B3GNT3: variants seen among roughly 807,000 people sequenced by gnomAD.
The protein encoded by B3GNT3 is N-acetyllactosaminide beta-1,3-N-acetylglucosaminyltransferase 3.
A neutral mutation model predicts 11.6 loss-of-function variants in B3GNT3; 7 were observed. That is an observed-to-expected ratio of 0.60 (90% CI 0.34 to 1.13). The LOEUF (loss-of-function observed/expected upper bound fraction) is 1.13, where lower values mean the gene tolerates loss of function less well. B3GNT3 is among the 50% of genes most tolerant of loss of function. The pLI is 0.03. For synonymous variants in B3GNT3, 201 were observed against 222.1 expected, an observed-to-expected ratio of 0.90 and a Z score of 0.85; for missense variants, 400 against 507.4, an observed-to-expected ratio of 0.79 and a Z score of 2.03.
intron 1 of B3GNT3, among the ~76,000 whole-genome samples, chr19:17,806,944 GAAA>G (rs374487355): frequency 1.1e-4 from 9 of 79,388 alleles, no homozygotes; most frequent in African/African-American, 3.3e-4. Context: ...TCCATCTCAA[GAAA>G]AAAAAAAAAA....
At position 17,811,173 on chromosome 19, in the gene B3GNT3, C is replaced by A. The variant is rs933293043; in HGVS notation, c.568-398C>A. On this transcript the variant is annotated intron_variant, in intron 2 of 2. Transcript: ENST00000318683. The surrounding 1 kb of genome is among the most constrained non-coding windows in gnomAD (Gnocchi z 4.1). ...AGGCTGCAATGAACTATGATCATAG[C>A]GCTACACTCTAGCCTGGGCAATAGA... Among the ~76,000 whole-genome samples the A allele has an allele frequency of 1.3e-5, 2 of 152,116 alleles. No individual in the cohort carries two copies. The highest frequency in any genetic ancestry group is 2.9e-5 in the Non-Finnish European group (2 of 68,038).
intron 2 of B3GNT3, among the ~76,000 whole-genome samples, chr19:17,810,476 C>G (rs2094179217): frequency 6.6e-6 from 1 of 152,086 alleles, no homozygotes; most frequent in Admixed American, 6.6e-5. Context: ...ATGAACCCAG[C>G]ACCCGTGAAG....
In B3GNT3 at chr19:17,808,006, A is replaced by G. The variant is rs1308150100; in HGVS notation, c.199A>G (p.Met67Val). 6.3e-6 allele frequency: 10 copies of G among 1,581,762 alleles called. No individual in the cohort carries two copies. The highest frequency in any genetic ancestry group is 1.6e-5 in the African/African-American group (1 of 64,474). The change falls in exon 2 of 3, where the codon ATG becomes GTG. Residue 67 changes from methionine (M) to valine (V), a missense_variant. By Grantham distance (21) the Met-to-Val change is conservative (BLOSUM62 1). Coordinates refer to ENST00000318683, the MANE Select transcript of B3GNT3 (RefSeq NM_014256.4). The part of the protein sequence containing the change: ...APAPCHANTS[M>V]VTHPDFATQP... ...GGCCCCGTGCCATGCCAACACCTCT[A>G]TGGTCACCCACCCGGACTTCGCCAC...
intron 1 of B3GNT3, among the ~76,000 whole-genome samples, chr19:17,801,482 G>A (rs1254979397): frequency 6.8e-6 from 1 of 146,912 alleles, no homozygotes; most frequent in African/African-American, 2.5e-5. Flanking sequence ...ATACCCAGCT[G>A]TTTTTTGTTT....
At chr19:17,800,086 G>C (rs2094164329) in intron 1 of B3GNT3, among the ~76,000 whole-genome samples, 1 of 152,082 alleles carries the variant, frequency 6.6e-6, no homozygotes, top group African/African-American at 2.4e-5. Context: ...GACAAGAACA[G>C]GGTTGAGACT....
At chr19:17,803,477 A>T (rs1377325350) in intron 1 of B3GNT3, among the ~76,000 whole-genome samples, 1 of 152,128 alleles carries the variant, frequency 6.6e-6, no homozygotes, top group African/African-American at 2.4e-5. Context: ...TGGGTTCTGG[A>T]GGATGGCAAA....
At chr19:17,810,894 T>A (rs118086818) in intron 2 of B3GNT3, among the ~76,000 whole-genome samples, 6,743 of 146,728 alleles carry the variant, frequency 0.046, 185 homozygotes, top group Non-Finnish European at 0.065. Flanking sequence ...AAAAAAATAA[T>A]AATAATAATA....
At position 17,807,930 on chromosome 19, in the gene B3GNT3, G is replaced by A. The variant is rs761629826; in HGVS notation, c.123G>A (p.Pro41=). The part of the protein sequence containing the change: ...PPTCKVQEQP[P]AIPEALAWPT... ...CCTGCAAGGTCCAGGAGCAGCCACC[G>A]GCGATCCCCGAGGCCCTGGCCTGGC... The change falls in exon 2 of 3, where the codon CCG becomes CCA. Residue 41 remains proline, a synonymous_variant. Transcript: ENST00000318683. 9.9e-6 allele frequency: 16 copies of A among 1,613,276 alleles called. No individual in the cohort carries two copies. Among genetic ancestry groups the A allele is most frequent in the Admixed American group, 1.7e-5 (1 of 59,988 alleles).
At chr19:17,796,755 G>T (rs1283751652) in intron 1 of B3GNT3, among the ~76,000 whole-genome samples, 2 of 152,192 alleles carry the variant, frequency 1.3e-5, no homozygotes, top group Non-Finnish European at 2.9e-5. Context: ...CCAAAAGGGG[G>T]CCTTGGTGCT....
Position 17,812,138 on chromosome 19 carries a change from C to T in B3GNT3, c.*16C>T, listed in dbSNP as rs1441172700. The T allele has an allele frequency of 6.4e-7, 1 of 1,568,734 alleles. No individual in the cohort carries two copies. Among genetic ancestry groups the T allele is most frequent in the Non-Finnish European group, 8.6e-7 (1 of 1,164,978 alleles). On this transcript the variant is annotated 3_prime_UTR_variant, in exon 3 of 3. Coordinates refer to ENST00000318683, the MANE Select transcript of B3GNT3 (RefSeq NM_014256.4). Reference sequence around the variant, plus strand: ...GATCTACTGAGTCAGCATCAGGGTCCCCAGCCTCTGGGCTCCTGTTTCCAT... The same window carrying T: ...GATCTACTGAGTCAGCATCAGGGTCTCCAGCCTCTGGGCTCCTGTTTCCAT...
At position 17,811,894 on chromosome 19, in the gene B3GNT3, T is replaced by C; in HGVS notation, c.891T>C (p.Asp297=). The C allele has an allele frequency of 6.2e-7, 1 of 1,614,054 alleles. No individual in the cohort carries two copies. The highest frequency in any genetic ancestry group is 1.1e-5 in the South Asian group (1 of 91,084). The stretch of plus-strand genomic sequence containing the variant: ...TCTTGGACATCTTCCCCATTGATGA[T>C]GTCTTCCTGGGTATGTGTCTGGAGC... The part of the protein sequence containing the change: ...AHVLDIFPID[D]VFLGMCLELE... Residue 297 remains aspartate, a synonymous_variant, in exon 3 of 3, where the codon GAT becomes GAC. Coordinates refer to ENST00000318683, the MANE Select transcript of B3GNT3 (RefSeq NM_014256.4). The surrounding 1 kb of genome is among the most constrained non-coding windows in gnomAD (Gnocchi z 4.1).
intron 1 of B3GNT3, among the ~76,000 whole-genome samples, chr19:17,803,854 A>T (rs893127308): frequency 2.1e-4 from 10 of 47,468 alleles, no homozygotes; most frequent in African/African-American, 1.6e-3. Flanking sequence ...TCCTATCACT[A>T]AAAAAAAAAA....
At position 17,808,360 on chromosome 19, in the gene B3GNT3, C is replaced by T. The variant is rs1178820282; in HGVS notation, c.553C>T (p.Leu185Phe). 1 of 1,605,768 alleles carries T rather than the reference C, an allele frequency of 6.2e-7. No homozygotes were observed. ...QWDFHDSFFN[L>F]TLKQVLFLQW... ...GGACTTCCACGACTCCTTCTTCAAC[C>T]TCACGCTCAAGCAGGTGCGCTGGAC... is the stretch of plus-strand genomic sequence containing the variant. The change falls in exon 2 of 3, where the codon CTC becomes TTC. Residue 185 changes from leucine to phenylalanine, a missense_variant. By Grantham distance (22) the Leu-to-Phe change is conservative. Transcript: ENST00000318683.
exon 3 of B3GNT3, among the ~76,000 whole-genome samples, chr19:17,813,568 ACCCCACATAT>A (rs747815453): frequency 6.7e-6 from 1 of 150,004 alleles, no homozygotes; most frequent in Non-Finnish European, 1.5e-5. Context: ...TCAGCTCATA[ACCCCACATAT>A]CCCCACAGAC....
chr19:17,807,555 C>T (rs1001764328), intron 1 of B3GNT3, among the ~76,000 whole-genome samples: 2 of 151,360 alleles, frequency 1.3e-5, no homozygotes, highest in African/African-American at 4.9e-5. Context: ...TAATCCCCAG[C>T]AGGGAGGGCC....
chr19:17,812,317 T>G lies in B3GNT3; in HGVS notation c.*195T>G. 2 of 566,910 alleles carry G rather than the reference T, an allele frequency of 3.5e-6. No homozygotes were observed. Among genetic ancestry groups the G allele is most frequent in the East Asian group, 3.0e-5 (1 of 33,730 alleles). 35.1% of individuals were successfully genotyped at this position (566,910 alleles called of 1,614,324 possible). A position where few individuals can be genotyped will look rare whatever the true frequency, so the allele number is the denominator to read the frequency against. ...ACCCACCTGGTACTGTTCCAGCATCTTCCCTGGATGGCTGGAGGAACTCCA... is the reference window on the plus strand; with the variant it reads ...ACCCACCTGGTACTGTTCCAGCATCGTCCCTGGATGGCTGGAGGAACTCCA... On this transcript the variant is annotated 3_prime_UTR_variant, in exon 3 of 3. Transcript: ENST00000318683.
chr19:17,811,366 A>G lies in B3GNT3; in HGVS notation c.568-205A>G, dbSNP rs542474683. Among the ~76,000 whole-genome samples the G allele has an allele frequency of 1.3e-5, 2 of 152,210 alleles. No individual in the cohort carries two copies. The highest frequency in any genetic ancestry group is 6.5e-5 in the Admixed American group (1 of 15,280). ...TCTCCATGGATTCCCCAACACTCCT[A>G]GAGGCACATGATAAGGCCTGTTTGG... On this transcript the variant is annotated intron_variant, in intron 2 of 2. Transcript: ENST00000318683. This position sits in a 1 kb window ranked among gnomAD's most constrained non-coding sequence, Gnocchi z 4.1.
At position 17,808,289 on chromosome 19, in the gene B3GNT3, G is replaced by A. The variant is rs2094176431; in HGVS notation, c.482G>A (p.Arg161Gln). The A allele has an allele frequency of 6.2e-7, 1 of 1,613,480 alleles. No homozygotes were observed. Among genetic ancestry groups the A allele is most frequent in the Non-Finnish European group, 8.5e-7 (1 of 1,179,958 alleles). Residue 161 changes from arginine to glutamine, a missense_variant, in exon 2 of 3, where the codon CGG becomes CAG. Transcript: ENST00000318683. ...SNPHEARKVN[R>Q]LLELEAQTHG... ...CCGCACGAGGCCCGCAAGGTCAACC[G>A]GCTGCTGGAGCTGGAGGCACAGACT...
intron 1 of B3GNT3, among the ~76,000 whole-genome samples, chr19:17,804,240 C>CTTTTTTTTTTTTTTTTTTTTT (rs773524591): frequency 6.2e-5 from 7 of 112,186 alleles, no homozygotes; most frequent in East Asian, 2.4e-4. Context: ...TCTTTTTTTT[C>CTTTTTTTTTTTTTTTTTTTTT]TTTTTTTTTT....
Sources: gnomAD v4.1 joint callset for allele counts (sites outside exome capture counted in the v4.1 genomes callset) on GRCh38, gnomAD v4.1.1 for gene constraint, Gnocchi (gnomAD v3.1) non-coding constraint, MANE v1.5 for transcripts, NCBI Gene and HGNC (gene_info 2026-07-23, HGNC 2026-07-21) for gene names.